DHX57: variants seen among roughly 807,000 people sequenced by gnomAD.
DHX57 encodes DExH-box helicase 57, also known as putative ATP-dependent RNA helicase DHX57.
Under a neutral mutation model 156.2 loss-of-function variants are expected in DHX57, and 105 were observed. The ratio of observed to expected loss-of-function variants is 0.67; its 90% CI spans 0.57 to 0.79. The LOEUF is 0.79. Ranked by LOEUF, DHX57 falls within the 30% of genes least tolerant of loss-of-function variation. DHX57 has a pLI of 0.00. For missense variants in DHX57, 1,847 were observed against 1,661.9 expected, an observed-to-expected ratio of 1.11 and a Z score of -1.94; for synonymous variants, 704 against 595.6, an observed-to-expected ratio of 1.18 and a Z score of -2.65.
intron 15 of DHX57, among the ~76,000 whole-genome samples, chr2:38,826,248 G>A (rs540196617): frequency 6.6e-6 from 1 of 152,162 alleles, no homozygotes; most frequent in Non-Finnish European, 1.5e-5. Flanking sequence ...AAACTACACA[G>A]TTTCTTTATT....
intron 13 of DHX57, among the ~76,000 whole-genome samples, chr2:38,830,572 T>G (rs1408491803): frequency 5.3e-5 from 8 of 151,244 alleles, no homozygotes; most frequent in Non-Finnish European, 1.5e-5. Context: ...GAGGTTGCAG[T>G]GAGCCGAGAC....
At chr2:38,864,589 A>G (rs1270142508) in intron 2 of DHX57, among the ~76,000 whole-genome samples, 2 of 152,028 alleles carry the variant, frequency 1.3e-5, no homozygotes, top group Non-Finnish European at 2.9e-5. Flanking sequence ...TCATTCCAGC[A>G]CTTATCCCCC....
chr2:38,848,045 T>C lies in DHX57; in HGVS notation c.2164+224A>G, dbSNP rs1435761496. Among the ~76,000 whole-genome samples, 3 of 151,528 alleles carry C rather than the reference T, an allele frequency of 2.0e-5. No homozygotes were observed. In the South Asian group the frequency reaches 6.3e-4, roughly 32 times the overall value. ...TTGCAGTGAGCCGAGATCACGCCACTGCACTCCAGCCTGGGTGACAGAGCG... is the reference window on the plus strand; with the variant it reads ...TTGCAGTGAGCCGAGATCACGCCACCGCACTCCAGCCTGGGTGACAGAGCG... On this transcript the variant is annotated intron_variant, in intron 10 of 23. Transcript: ENST00000457308.
At chr2:38,848,876 T>C (rs1249346317) in intron 9 of DHX57, among the ~76,000 whole-genome samples, 2 of 152,228 alleles carry the variant, frequency 1.3e-5, no homozygotes, top group African/African-American at 4.8e-5. Context: ...TCAAGAAGTT[T>C]CAGATTTTGG....
intron 21 of DHX57, chr2:38,811,311 C>T: frequency 1.9e-6 from 1 of 527,592 alleles, no homozygotes; most frequent in Non-Finnish European, 3.8e-6. Flanking sequence ...TGATCGTTCC[C>T]CTTTCCCATG....
chr2:38,870,293 A>G (rs1185118386), intron 1 of DHX57, among the ~76,000 whole-genome samples: 1 of 152,238 alleles, frequency 6.6e-6, no homozygotes, highest in Non-Finnish European at 1.5e-5. Flanking sequence ...AGCAGAAAAA[A>G]TATTCAAAGA....
chr2:38,854,024 G>C, intron 9 of DHX57, 30 bp downstream of exon 9: 1 of 1,587,544 alleles, frequency 6.3e-7, no homozygotes. Flanking sequence ...TCAGGTGAGT[G>C]TGTGTTCCCT....
chr2:38,820,291 G>A (rs1430611171), intron 17 of DHX57, among the ~76,000 whole-genome samples: 1 of 151,916 alleles, frequency 6.6e-6, no homozygotes, highest in African/African-American at 2.4e-5. Context: ...CTCAGTTTTG[G>A]CCAAGGATGA....
intron 13 of DHX57, among the ~76,000 whole-genome samples, chr2:38,829,391 C>T (rs1015325520): frequency 6.6e-6 from 1 of 151,652 alleles, no homozygotes; most frequent in Non-Finnish European, 1.5e-5. Flanking sequence ...AATTGATTCT[C>T]CCGCCTCATC....
At chr2:38,800,711 C>A (rs1264095856) in intron 23 of DHX57, among the ~76,000 whole-genome samples, 1 of 152,140 alleles carries the variant, frequency 6.6e-6, no homozygotes, top group Admixed American at 6.6e-5. Flanking sequence ...ACATGTGATG[C>A]CAGGAGCTAT....
Position 38,837,932 on chromosome 2 carries a change from A to G in DHX57, c.2441T>C (p.Val814Ala). Residue 814 changes from valine (V) to alanine (A), a missense_variant, in exon 13 of 24, where the codon GTC becomes GCC. Val to Ala is a moderately conservative substitution (Grantham distance 64). Coordinates refer to ENST00000457308, the MANE Select transcript of DHX57 (RefSeq NM_198963.3). ...LARYKGVSKS[V>A]IKTMSIMDFE... ...ATCCATGATGGACATTGTTTTGATG[A>G]CTGACTTGCTAACCCCTGAAAGAAA... is the stretch of plus-strand genomic sequence containing the variant. 1 of 1,611,126 alleles carries G rather than the reference A, an allele frequency of 6.2e-7. No individual in the cohort carries two copies. Among genetic ancestry groups the G allele is most frequent in the South Asian group, 1.1e-5 (1 of 91,010 alleles).
In DHX57 at chr2:38,861,727, T is replaced by G; in HGVS notation, c.683A>C (p.Glu228Ala). ...LTQCFSETFGERMKISEAVNQ... is the reference protein window; with the variant it reads ...LTQCFSETFGARMKISEAVNQ... ...GACTGCCTCAGAGATCTTCATCCTC[T>G]CTCCAAATGTCTCTGAAAAACACTG... The change falls in exon 5 of 24, where the codon GAG (glutamate) becomes GCG (alanine). Residue 228 changes from glutamate (E) to alanine (A), a missense_variant. Coordinates refer to ENST00000457308, the MANE Select transcript of DHX57 (RefSeq NM_198963.3). 1.2e-6 allele frequency: 2 copies of G among 1,614,174 alleles called. No individual in the cohort carries two copies. Among genetic ancestry groups the G allele is most frequent in the Non-Finnish European group, 1.7e-6 (2 of 1,180,034 alleles).
In DHX57 at chr2:38,826,677, G is replaced by A; in HGVS notation, c.2652C>T (p.His884=). Residue 884 remains histidine (H), a synonymous_variant, in exon 15 of 24, where the codon CAC becomes CAT. Transcript: ENST00000457308. The part of the protein sequence containing the change: ...NNRRSNRCVI[H]PLHSSLSSEE... ...CACTGGATAAAGATGAATGAAGTGG[G>A]TGAATAACACATCTGGAAGGAAATA... The A allele has an allele frequency of 6.2e-7, 1 of 1,613,966 alleles. No homozygotes were observed. Among genetic ancestry groups the A allele is most frequent in the Non-Finnish European group, 8.5e-7 (1 of 1,179,920 alleles).
rs749809616 is a variant in DHX57, at chr2:38,802,694, A to G, written c.4017+21T>C. On this transcript the variant is annotated intron_variant, in intron 23 of 23. Coordinates refer to ENST00000457308, the MANE Select transcript of DHX57 (RefSeq NM_198963.3). ...CCCCTCATGGCCTGAGCCTCATAAAACAGACCAATTCTGCCTTTACCTGAT... is the reference window on the plus strand; with the variant it reads ...CCCCTCATGGCCTGAGCCTCATAAAGCAGACCAATTCTGCCTTTACCTGAT... 13 of 1,613,438 alleles carry G rather than the reference A, an allele frequency of 8.1e-6. No homozygotes were observed. The South Asian group carries it at 1.3e-4, about 16-fold the overall frequency.
At chr2:38,864,593 A>C (rs1162898493) in intron 2 of DHX57, among the ~76,000 whole-genome samples, 1 of 152,026 alleles carries the variant, frequency 6.6e-6, no homozygotes, top group Non-Finnish European at 1.5e-5. Flanking sequence ...TCCAGCACTT[A>C]TCCCCCTTTC....
At chr2:38,875,417 C>T (rs1235707161) in intron 1 of DHX57, among the ~76,000 whole-genome samples, 1 of 152,202 alleles carries the variant, frequency 6.6e-6, no homozygotes, top group African/African-American at 2.4e-5. Flanking sequence ...TTCGAACTCA[C>T]ATCGTCCCCA....
chr2:38,849,243 A>G (rs1672454595), intron 9 of DHX57, among the ~76,000 whole-genome samples: 1 of 152,228 alleles, frequency 6.6e-6, no homozygotes, highest in Admixed American at 6.5e-5. Flanking sequence ...AATAAGGTAG[A>G]GCTCTAGAAA....
chr2:38,821,991 G>C (rs1015101133), intron 17 of DHX57, among the ~76,000 whole-genome samples: 8 of 152,108 alleles, frequency 5.3e-5, no homozygotes, highest in African/African-American at 1.9e-4. Flanking sequence ...TGAAGAGATT[G>C]AATTAATAAT....
In DHX57 at chr2:38,846,044, G is replaced by A. The variant is rs958580019; in HGVS notation, c.2219+975C>T. On this transcript the variant is annotated intron_variant, in intron 11 of 23. Transcript: ENST00000457308. ...CCATGCCCAGCTAACTTTTGTATTC[G>A]TAGTAGAGACAGGGTTTCACCATAT... is the stretch of plus-strand genomic sequence containing the variant. Among the ~76,000 whole-genome samples the A allele has an allele frequency of 4.0e-5, 6 of 151,830 alleles. No homozygotes were observed. The East Asian group carries it at 5.9e-4, about 15-fold the overall frequency.
Sources: gnomAD v4.1 joint callset for allele counts (sites outside exome capture counted in the v4.1 genomes callset) on GRCh38, gnomAD v4.1.1 for gene constraint, MANE v1.5 for transcripts, NCBI Gene and HGNC (gene_info 2026-07-23, HGNC 2026-07-21) for gene names.